ZEB1: variants seen among roughly 807,000 people sequenced by gnomAD.
ZEB1 encodes the protein zinc finger E-box-binding homeobox 1.
In ZEB1, 21 loss-of-function variants were observed where a neutral mutation model predicts 84.9. That is an observed-to-expected ratio of 0.25 (90% CI 0.18 to 0.36). ZEB1 has a LOEUF of 0.36. Ranked by LOEUF, ZEB1 falls within the 10% of genes least tolerant of loss-of-function variation. The pLI is 1.00. For missense variants in ZEB1, 1,104 were observed against 1,330.2 expected (o/e 0.83, Z 2.65); for synonymous variants, 420 against 471.1 (o/e 0.89, Z 1.41).
At chr10:31,488,453 T>G (rs1054558204) in intron 2 of ZEB1, among the ~76,000 whole-genome samples, 1 of 151,178 alleles carries the variant, frequency 6.6e-6, no homozygotes, top group African/African-American at 2.4e-5. Context: ...TTTTTTTGCT[T>G]ACCGATCCTA....
chr10:31,364,617 G>A (rs2044096009), intron 1 of ZEB1, among the ~76,000 whole-genome samples: 2 of 152,210 alleles, frequency 1.3e-5, no homozygotes, highest in Admixed American at 1.3e-4. Context: ...TCCAAAGAGA[G>A]GACGCAGTGC....
chr10:31,379,847 T>C (rs1174013272), intron 1 of ZEB1, among the ~76,000 whole-genome samples: 1 of 152,150 alleles, frequency 6.6e-6, no homozygotes, highest in Non-Finnish European at 1.5e-5. Context: ...TTCTTTTTCC[T>C]CAACTATTTT....
intron 1 of ZEB1, among the ~76,000 whole-genome samples, chr10:31,330,261 G>T (rs1271200626): frequency 1.3e-5 from 2 of 152,008 alleles, no homozygotes; most frequent in Non-Finnish European, 2.9e-5. Flanking sequence ...TGTTTCTCAG[G>T]GCCCAACTAA....
At chr10:31,400,137 A>G (rs1266798634) in intron 1 of ZEB1, among the ~76,000 whole-genome samples, 1 of 151,898 alleles carries the variant, frequency 6.6e-6, no homozygotes. Flanking sequence ...CATATATTTT[A>G]CCTACTTTTT....
rs185351515 is a variant in ZEB1, at chr10:31,395,622, C to A, written c.59-65415C>A. 1.5e-3 allele frequency among the ~76,000 whole-genome samples: 234 copies of A among 152,258 alleles called. 1 individual carries two copies. The highest frequency in any genetic ancestry group is 4.7e-3 in the African/African-American group (196 of 41,558). ...GGTCTGACCTGAGCACAAACCTAGG[C>A]AGGGTGCCACAGGGGGAACCCTGAA... On this transcript the variant is annotated intron_variant, in intron 1 of 8. Transcript: ENST00000424869.
At chr10:31,500,955 G>A (rs769475557) in intron 3 of ZEB1, among the ~76,000 whole-genome samples, 8 of 152,296 alleles carry the variant, frequency 5.3e-5, no homozygotes, top group Non-Finnish European at 8.8e-5. Flanking sequence ...CTATTGAAAA[G>A]TGGGGAAAAA....
chr10:31,353,678 GA>G (rs1170539625), intron 1 of ZEB1, among the ~76,000 whole-genome samples: 2 of 152,228 alleles, frequency 1.3e-5, no homozygotes, highest in Non-Finnish European at 2.9e-5. Flanking sequence ...AGAAGGAATA[GA>G]GATAAAATAT....
At chr10:31,442,578 G>A (rs930838230) in intron 1 of ZEB1, among the ~76,000 whole-genome samples, 1 of 150,428 alleles carries the variant, frequency 6.6e-6, no homozygotes, top group African/African-American at 2.5e-5. Flanking sequence ...AAAAAAAAAA[G>A]AAATCCAAGT....
intron 1 of ZEB1, among the ~76,000 whole-genome samples, chr10:31,437,761 C>G (rs2058455807): frequency 6.6e-6 from 1 of 152,138 alleles, no homozygotes; most frequent in South Asian, 2.1e-4. Flanking sequence ...TTCACTTTTC[C>G]TATGATTTCT....
intron 1 of ZEB1, among the ~76,000 whole-genome samples, chr10:31,323,525 TC>T (rs1043484593): frequency 1.3e-5 from 2 of 152,050 alleles, no homozygotes; most frequent in Non-Finnish European, 2.9e-5. Flanking sequence ...CTGGTAGCCC[TC>T]CCCCACCTTT....
chr10:31,418,952 A>C (rs1297714811), intron 1 of ZEB1, among the ~76,000 whole-genome samples: 1 of 151,556 alleles, frequency 6.6e-6, no homozygotes, highest in Non-Finnish European at 1.5e-5. Context: ...GTACATATTC[A>C]AAAAAAAATC....
Position 31,362,771 on chromosome 10 carries a change from G to A in ZEB1, c.58+43479G>A, listed in dbSNP as rs185114508. On this transcript the variant is annotated intron_variant, in intron 1 of 8. Coordinates refer to ENST00000424869, the MANE Select transcript of ZEB1 (RefSeq NM_001174096.2). ...TCTCAATCTCTTGATCTCCTGATCC[G>A]CCCGCCTGGGCCTCCCAAAGTGCTG... 6.4e-3 allele frequency: 4,167 copies of A among 648,084 alleles called. 82 individuals are homozygous for A. The highest frequency in any genetic ancestry group is 0.059 in the African/African-American group (3,276 of 55,420). The allele number at this position is 648,084 out of a possible 1,614,324, so 40.1% of individuals were successfully genotyped here.
intron 2 of ZEB1, among the ~76,000 whole-genome samples, chr10:31,489,830 C>T (rs1332216711): frequency 6.6e-6 from 1 of 151,224 alleles, no homozygotes; most frequent in Non-Finnish European, 1.5e-5. Context: ...CCCGACATTC[C>T]AAGTGTCCCT....
At chr10:31,498,174 T>C (rs1374013956) in intron 3 of ZEB1, among the ~76,000 whole-genome samples, 1 of 152,082 alleles carries the variant, frequency 6.6e-6, no homozygotes, top group Non-Finnish European at 1.5e-5. Flanking sequence ...ATTTGCTTTA[T>C]AATTGACCTT....
intron 1 of ZEB1, among the ~76,000 whole-genome samples, chr10:31,415,880 A>T (rs893025428): frequency 6.6e-6 from 1 of 152,058 alleles, no homozygotes; most frequent in Non-Finnish European, 1.5e-5. Context: ...GTTACTCAGA[A>T]TTTCTCCAGT....
intron 1 of ZEB1, chr10:31,363,169 A>G (rs3895217): frequency 2.3e-5 from 35 of 1,533,832 alleles, no homozygotes; most frequent in Non-Finnish European, 2.4e-5. Context: ...CTCCCCCACC[A>G]TCAGCAAGCC....
intron 2 of ZEB1, 43 bp downstream of exon 2, chr10:31,461,280 G>A (rs775165349): frequency 3.6e-5 from 55 of 1,536,544 alleles, no homozygotes; most frequent in South Asian, 5.9e-5. Flanking sequence ...CTCATGATTC[G>A]TTTTTTAAAA....
intron 1 of ZEB1, among the ~76,000 whole-genome samples, chr10:31,449,367 CGTCTTCTGCGT>C (rs1302423414): frequency 1.3e-5 from 2 of 152,242 alleles, no homozygotes; most frequent in African/African-American, 2.4e-5. Context: ...AGAAATCACC[CGTCTTCTGCGT>C]CGCTCACGCT....
intron 2 of ZEB1, among the ~76,000 whole-genome samples, chr10:31,478,882 G>A (rs371078483): frequency 3.6e-4 from 55 of 151,732 alleles, no homozygotes; most frequent in Middle Eastern, 6.8e-3. Context: ...AGGGGAATTC[G>A]GATTTTTATA....
Sources: allele counts gnomAD v4.1 joint callset (sites outside exome capture counted in the v4.1 genomes callset), GRCh38; gene constraint gnomAD v4.1.1; transcripts MANE v1.5; gene names NCBI Gene and HGNC (gene_info 2026-07-23, HGNC 2026-07-21).